ENO3: variants seen among roughly 807,000 people sequenced by gnomAD.
ENO3 encodes the protein beta-enolase.
In ENO3, 46 loss-of-function variants were observed where a neutral mutation model predicts 47.7. That is an observed-to-expected ratio of 0.96 (90% CI 0.76 to 1.23). The LOEUF (loss-of-function observed/expected upper bound fraction) is 1.23. ENO3 is among the 50% of genes most tolerant of loss of function. The pLI is 0.00. For synonymous variants in ENO3, 223 were observed against 225.9 expected, an observed-to-expected ratio of 0.99 and a Z score of 0.11; for missense variants, 575 against 566.2, an observed-to-expected ratio of 1.02 and a Z score of -0.16.
chr17:4,952,906 C>G lies in ENO3; in HGVS notation c.181+16C>G. The G allele has an allele frequency of 1.9e-6, 3 of 1,611,268 alleles. No individual in the cohort carries two copies. The highest frequency in any genetic ancestry group is 1.7e-4 in the Middle Eastern group (1 of 6,058). On this transcript the variant is annotated intron_variant, in intron 3 of 11. Coordinates refer to ENST00000519602, the MANE Select transcript of ENO3 (RefSeq NM_053013.4). ...CTGGGGAAAGGTGAGGAGACACCAG[C>G]GCAGAAGGAGCCTGTGTGGGCGGCT...
At position 4,955,916 on chromosome 17, in the gene ENO3, C is replaced by T. The variant is rs140408533; in HGVS notation, c.866-26C>T. 3.1e-4 allele frequency: 499 copies of T among 1,609,226 alleles called. No homozygotes were observed. The African/African-American group carries it at 5.7e-3, about 18-fold the overall frequency. ...TGCCCTGTCTCTGCTCTGTCTCTGC[C>T]CTGTCTCTGCTCCAAACCCCACCAG... On this transcript the variant is annotated intron_variant, in intron 8 of 11. Coordinates refer to ENST00000519602, the MANE Select transcript of ENO3 (RefSeq NM_053013.4).
chr17:4,951,617 C>T (rs1163450958), intron 1 of ENO3: 20 of 577,694 alleles, frequency 3.5e-5, no homozygotes, highest in Non-Finnish European at 6.2e-5. Context: ...GATAAGAGGC[C>T]CCTGGATTCT....
chr17:4,949,559 C>T (rs1971481918), upstream of ENO3, among the ~76,000 whole-genome samples: 3 of 144,252 alleles, frequency 2.1e-5, no homozygotes, highest in Non-Finnish European at 4.6e-5. Flanking sequence ...AGTCCCACTT[C>T]GGGCCCTTTG....
intron 6 of ENO3, chr17:4,954,312 G>A (rs989799924): frequency 2.1e-5 from 4 of 188,166 alleles, no homozygotes; most frequent in Admixed American, 5.5e-5. Context: ...TCTAGAGATA[G>A]ATTGCTGGGT....
rs769879612 is a variant in ENO3, at chr17:4,956,619, C to T, written c.1114C>T (p.Arg372Cys). ...SNGWGVMVSH[R>C]SGETEDTFIA... ...TGGCTGGGGGGTGATGGTGAGCCAC[C>T]GCTCTGGGGAGACTGAGGACACATT... The change falls in exon 10 of 12, where the codon CGC becomes TGC. Residue 372 changes from arginine to cysteine, a missense_variant. Arg to Cys is a radical substitution (Grantham distance 180). Coordinates refer to ENST00000519602, the MANE Select transcript of ENO3 (RefSeq NM_053013.4). 1.2e-5 allele frequency: 19 copies of T among 1,614,026 alleles called. No homozygotes were observed. The highest frequency in any genetic ancestry group is 1.6e-4 in the Middle Eastern group (1 of 6,084).
chr17:4,956,905 T>C lies in ENO3; in HGVS notation c.1235+16T>C. ...AACTCATGAGGTACAGCGGGAACAG[T>C]GGGCCTGGGCATTGGGGTGCTGGAG... On this transcript the variant is annotated intron_variant, in intron 11 of 11. Coordinates refer to ENST00000519602, the MANE Select transcript of ENO3 (RefSeq NM_053013.4). 2 of 1,614,232 alleles carry C rather than the reference T, an allele frequency of 1.2e-6. No homozygotes were observed. Among genetic ancestry groups the C allele is most frequent in the Non-Finnish European group, 1.7e-6 (2 of 1,180,032 alleles).
intron 2 of ENO3, chr17:4,952,475 C>G (rs1971570976): frequency 5.4e-6 from 2 of 367,616 alleles, no homozygotes; most frequent in Non-Finnish European, 1.1e-5. Flanking sequence ...TCCCGAGTAG[C>G]TGGGACTACA....
Position 4,955,060 on chromosome 17 carries a change from C to T in ENO3, c.445-15C>T. 3 of 1,612,320 alleles carry T rather than the reference C, an allele frequency of 1.9e-6. No homozygotes were observed. Among genetic ancestry groups the T allele is most frequent in the Non-Finnish European group, 2.5e-6 (3 of 1,179,834 alleles). ...ATGCCCCGGCCCAGGTCCAGACACCCTCTCCCCATCTCAGGCCTTCAATGT... is the reference window on the plus strand; with the variant it reads ...ATGCCCCGGCCCAGGTCCAGACACCTTCTCCCCATCTCAGGCCTTCAATGT... On this transcript the variant is annotated splice_polypyrimidine_tract_variant and intron_variant, in intron 6 of 11. Transcript: ENST00000519602.
chr17:4,949,626 G>A (rs1416115341), upstream of ENO3, among the ~76,000 whole-genome samples: 3 of 152,040 alleles, frequency 2.0e-5, no homozygotes, highest in East Asian at 1.9e-4. Flanking sequence ...GGGACGGGCG[G>A]GACGGCCGTG....
At chr17:4,950,476 C>A, upstream of ENO3, 1 of 821,838 alleles carries the variant, frequency 1.2e-6, no homozygotes, top group Non-Finnish European at 1.5e-6. Context: ...CGCCGGGCGA[C>A]AAGTGCTGTC....
In ENO3 at chr17:4,953,798, C is replaced by T. The variant is rs367929544; in HGVS notation, c.397C>T (p.His133Tyr). The change falls in exon 6 of 12, where the codon CAC becomes TAC. Residue 133 changes from histidine to tyrosine, a missense_variant. Physicochemically the swap from His to Tyr is moderately conservative, Grantham distance 83 (BLOSUM62 2). Coordinates refer to ENST00000519602, the MANE Select transcript of ENO3 (RefSeq NM_053013.4). The stretch of plus-strand genomic sequence containing the variant: ...TGAGAAGGGGGTCCCCCTGTACCGC[C>T]ACATCGCAGATCTCGCTGGGAACCC... ...AAEKGVPLYRHIADLAGNPDL... is the reference protein window; with the variant it reads ...AAEKGVPLYRYIADLAGNPDL... 4.3e-6 allele frequency: 7 copies of T among 1,614,196 alleles called. No homozygotes were observed. The highest frequency in any genetic ancestry group is 5.9e-6 in the Non-Finnish European group (7 of 1,180,030).
At chr17:4,951,693 C>G (rs1280015486) in intron 1 of ENO3, 135 bp from the exon 2 acceptor site, 3 of 953,542 alleles carry the variant, frequency 3.1e-6, no homozygotes, top group African/African-American at 3.2e-5. Context: ...CCTCTTTGGT[C>G]TGTGACCTTT....
upstream of ENO3, chr17:4,949,114 C>T (rs940720964): frequency 1.3e-5 from 2 of 152,050 alleles, no homozygotes; most frequent in Admixed American, 6.5e-5. Context: ...GGACGTGTCT[C>T]CCGCCTGGCG....
rs201114068 is a variant in ENO3, at chr17:4,952,837, T to C, written c.128T>C (p.Ile43Thr). ...AAVPSGASTGIYEALELRDGD... is the reference protein window; with the variant it reads ...AAVPSGASTGTYEALELRDGD... The stretch of plus-strand genomic sequence containing the variant: ...GTGCCCAGTGGGGCTTCCACGGGTA[T>C]CTATGAGGCTCTGGAACTAAGAGAC... The change falls in exon 3 of 12, where the codon ATC (isoleucine) becomes ACC (threonine). Residue 43 changes from isoleucine to threonine, a missense_variant. Transcript: ENST00000519602. 2 of 1,612,208 alleles carry C rather than the reference T, an allele frequency of 1.2e-6. No individual in the cohort carries two copies. The highest frequency in any genetic ancestry group is 2.2e-5 in the East Asian group (1 of 44,862).
rs186913016 is a variant in ENO3 at position 4,953,452 on chromosome 17, G to A, written c.310+111G>A. 6.2e-4 allele frequency: 921 copies of A among 1,477,502 alleles called. 2 individuals are homozygous for A. The highest frequency in any genetic ancestry group is 7.8e-4 in the Non-Finnish European group (827 of 1,059,254). The allele number at this position is 1,477,502 out of a possible 1,614,324, so 91.5% of individuals were successfully genotyped here. Reference sequence around the variant, plus strand: ...TGGGTCCCCCATTTTGGGTCACACCGCAGCTGGATGGATTTGTGTTCATTC... The same window carrying A: ...TGGGTCCCCCATTTTGGGTCACACCACAGCTGGATGGATTTGTGTTCATTC... On this transcript the variant is annotated intron_variant, in intron 5 of 11. Transcript: ENST00000519602.
intron 2 of ENO3, chr17:4,952,208 G>C: frequency 2.2e-6 from 1 of 462,938 alleles, no homozygotes; most frequent in Non-Finnish European, 4.2e-6. Context: ...ATGGAGTCTC[G>C]CTCTGTGGCC....
chr17:4,951,966 G>A (rs1971554298), intron 2 of ENO3, 52 bp downstream of exon 2: 6 of 1,597,342 alleles, frequency 3.8e-6, no homozygotes, highest in Non-Finnish European at 5.1e-6. Flanking sequence ...CAACCCTTTG[G>A]CCTTTGCCCC....
chr17:4,954,069 C>G (rs1005888370), intron 6 of ENO3: 4 of 670,884 alleles, frequency 6.0e-6, no homozygotes, highest in African/African-American at 1.8e-5. Flanking sequence ...AACCCAGTTC[C>G]TTCCCATTCC....
rs774395644 is a variant in ENO3, at chr17:4,953,036, C to T, written c.182-15C>T. On this transcript the variant is annotated splice_polypyrimidine_tract_variant and intron_variant, in intron 3 of 11. Transcript: ENST00000519602. ...AGTTGATTGAGCTCCAAAACTCATC[C>T]TCTGGCCTGTCTAGGAGTCCTGAAG... 7.5e-5 allele frequency: 121 copies of T among 1,614,066 alleles called. No individual in the cohort carries two copies. Among genetic ancestry groups the T allele is most frequent in the Non-Finnish European group, 9.7e-5 (115 of 1,180,010 alleles).
Sources: gnomAD v4.1 joint callset for allele counts (sites outside exome capture counted in the v4.1 genomes callset) on GRCh38, gnomAD v4.1.1 for gene constraint, MANE v1.5 for transcripts, NCBI Gene and HGNC (gene_info 2026-07-23, HGNC 2026-07-21) for gene names.